WLS: variants seen among roughly 807,000 people sequenced by gnomAD.
The protein encoded by WLS is Wnt ligand secretion mediator, also known as protein wntless homolog.
In WLS, 23 loss-of-function variants were observed where a neutral mutation model predicts 62.8. The ratio of observed to expected loss-of-function variants is 0.37; its 90% confidence interval spans 0.26 to 0.52. The LOEUF is 0.52. Among genes scored for constraint, WLS ranks in the 20% least tolerant of loss-of-function variants. The probability of loss-of-function intolerance (pLI) is 0.92; values close to 1 mark genes in which losing one functional copy is unlikely to be tolerated. For missense variants in WLS, 615 were observed against 697.3 expected, an observed-to-expected ratio of 0.88 and a Z score of 1.33; for synonymous variants, 246 against 244.1, an observed-to-expected ratio of 1.01 and a Z score of -0.07.
At chr1:68,151,418 A>T (rs1646823723) in intron 5 of WLS, among the ~76,000 whole-genome samples, 1 of 152,194 alleles carries the variant, frequency 6.6e-6, no homozygotes, top group East Asian at 1.9e-4. Flanking sequence ...AGTTTAAACA[A>T]TGGAGTGACA....
intron 5 of WLS, among the ~76,000 whole-genome samples, chr1:68,151,798 G>A (rs1646830087): frequency 6.6e-6 from 1 of 152,142 alleles, no homozygotes; most frequent in Admixed American, 6.5e-5. Context: ...GGGGCTTATA[G>A]GTCAGGGCAA....
At chr1:68,102,992 T>A (rs993345334) in intron 11 of WLS, among the ~76,000 whole-genome samples, 1 of 152,194 alleles carries the variant, frequency 6.6e-6, no homozygotes, top group Non-Finnish European at 1.5e-5. Flanking sequence ...AACCCTTTTT[T>A]TTGCCGGGGG....
Position 68,136,813 on chromosome 1 carries a change from C to T in WLS, c.1516+967G>A, listed in dbSNP as rs543810169. On this transcript the variant is annotated intron_variant, in intron 11 of 11. Transcript: ENST00000262348. ...CAGAATGTGCAATCCACTCATGCAA[C>T]ACACACTCACTGAGTACTTCCTAAA... 8.5e-5 allele frequency among the ~76,000 whole-genome samples: 13 copies of T among 152,328 alleles called. No individual in the cohort carries two copies. The South Asian group carries it at 2.7e-3, about 32-fold the overall frequency.
intron 2 of WLS, among the ~76,000 whole-genome samples, chr1:68,160,437 G>A (rs1200865506): frequency 1.3e-5 from 2 of 152,154 alleles, no homozygotes; most frequent in Admixed American, 6.6e-5. Context: ...GTAATTGTCA[G>A]CATTCTTGAG....
chr1:68,110,093 CAA>C (rs949938532), intron 11 of WLS, among the ~76,000 whole-genome samples: 2 of 136,112 alleles, frequency 1.5e-5, no homozygotes, highest in African/African-American at 5.5e-5. Flanking sequence ...ACTACCAAAT[CAA>C]AAATTCTTTA....
intron 1 of WLS, among the ~76,000 whole-genome samples, chr1:68,221,758 A>G (rs968974133): frequency 1.3e-5 from 2 of 152,212 alleles, no homozygotes; most frequent in East Asian, 3.8e-4. Context: ...GCTAAATTAG[A>G]TGGTGCAGAA....
At chr1:68,132,369 A>C (rs1169870483) in intron 11 of WLS, among the ~76,000 whole-genome samples, 1 of 152,212 alleles carries the variant, frequency 6.6e-6, no homozygotes, top group Non-Finnish European at 1.5e-5. Flanking sequence ...ACAGACATCA[A>C]GAAGCTCAGC....
intron 1 of WLS, among the ~76,000 whole-genome samples, chr1:68,213,786 T>C (rs1170262756): frequency 1.3e-5 from 2 of 152,188 alleles, no homozygotes; most frequent in East Asian, 3.9e-4. Context: ...CAAATTTAAG[T>C]TGCTGGAGGG....
chr1:68,224,293 G>T (rs1650051005), intron 1 of WLS, among the ~76,000 whole-genome samples: 1 of 152,186 alleles, frequency 6.6e-6, no homozygotes. Flanking sequence ...GGGGGATTGG[G>T]TGACACTGGA....
intron 3 of WLS, among the ~76,000 whole-genome samples, chr1:68,157,451 T>C (rs1646914906): frequency 6.6e-6 from 1 of 152,244 alleles, no homozygotes; most frequent in Non-Finnish European, 1.5e-5. Context: ...ACTAAAGTCC[T>C]GCCTCTGCCA....
chr1:68,111,198 C>T (rs1011009592), intron 11 of WLS, among the ~76,000 whole-genome samples: 41 of 152,108 alleles, frequency 2.7e-4, no homozygotes, highest in Non-Finnish European at 1.2e-4. Flanking sequence ...TTATAGTAGC[C>T]TGAGCTAAGA....
At chr1:68,229,105 G>C (rs1383963748) in intron 1 of WLS, among the ~76,000 whole-genome samples, 1 of 152,010 alleles carries the variant, frequency 6.6e-6, no homozygotes, top group Non-Finnish European at 1.5e-5. Flanking sequence ...AGAACCGAAA[G>C]GGACCTTAAA....
In WLS at chr1:68,162,505, G is replaced by C. The variant is rs1420387484; in HGVS notation, c.380-3258C>G. 1.1e-5 allele frequency: 17 copies of C among 1,613,434 alleles called. No individual in the cohort carries two copies. The Admixed American group carries it at 2.5e-4, about 24-fold the overall frequency. On this transcript the variant is annotated intron_variant, in intron 2 of 11. Coordinates refer to ENST00000262348, the MANE Select transcript of WLS (RefSeq NM_024911.7). Reference sequence around the variant, plus strand: ...GAATCCAAAGGCCTTGGCTCGAACTGCAACCGCCTACCCCCTGCGATCAAA... The same window carrying C: ...GAATCCAAAGGCCTTGGCTCGAACTCCAACCGCCTACCCCCTGCGATCAAA...
intron 1 of WLS, among the ~76,000 whole-genome samples, chr1:68,225,923 A>T (rs1041733140): frequency 6.6e-6 from 1 of 152,220 alleles, no homozygotes; most frequent in Non-Finnish European, 1.5e-5. Context: ...AATCTCAAAC[A>T]TTTGATGGTT....
intron 11 of WLS, among the ~76,000 whole-genome samples, chr1:68,102,161 A>G (rs1193421375): frequency 6.6e-6 from 1 of 152,184 alleles, no homozygotes; most frequent in Non-Finnish European, 1.5e-5. Context: ...TCCCTGTGTT[A>G]GAGGAAACAT....
At chr1:68,172,167 G>A (rs1647163703) in intron 2 of WLS, among the ~76,000 whole-genome samples, 1 of 151,932 alleles carries the variant, frequency 6.6e-6, no homozygotes, top group Non-Finnish European at 1.5e-5. Context: ...GTTGAGGGGT[G>A]GGGGGATGGG....
At chr1:68,190,875 T>C (rs1044798282) in intron 2 of WLS, among the ~76,000 whole-genome samples, 2 of 152,100 alleles carry the variant, frequency 1.3e-5, no homozygotes, top group Admixed American at 6.6e-5. Flanking sequence ...CTGGCCAACA[T>C]GGAGAAACCC....
At chr1:68,223,733 G>A (rs762639077) in intron 1 of WLS, among the ~76,000 whole-genome samples, 47 of 152,126 alleles carry the variant, frequency 3.1e-4, no homozygotes, top group Non-Finnish European at 3.8e-4. Flanking sequence ...GTTTCACATC[G>A]CAGTTGAGAG....
At chr1:68,150,031 T>C (rs1225413431) in intron 6 of WLS, among the ~76,000 whole-genome samples, 157 bp downstream of exon 6, 1 of 152,208 alleles carries the variant, frequency 6.6e-6, no homozygotes. Flanking sequence ...GAAGCAGGAA[T>C]GTGAACCAGA....
Sources: gnomAD v4.1 joint callset for allele counts (sites outside exome capture counted in the v4.1 genomes callset) on GRCh38, gnomAD v4.1.1 for gene constraint, MANE v1.5 for transcripts, NCBI Gene and HGNC (gene_info 2026-07-23, HGNC 2026-07-21) for gene names.